RAD54B: variants seen among roughly 807,000 people sequenced by gnomAD.
The protein encoded by RAD54B is RAD54 homolog B.
Under a neutral mutation model 95.8 loss-of-function variants are expected in RAD54B, and 78 were observed. The ratio of observed to expected loss-of-function variants is 0.81; its 90% confidence interval spans 0.68 to 0.98. The LOEUF (loss-of-function observed/expected upper bound fraction) is 0.98. RAD54B is among the 50% of genes least tolerant of loss of function. The pLI, the probability that RAD54B is intolerant of heterozygous loss-of-function variation, is 0.00. For synonymous variants in RAD54B, 328 were observed against 354.9 expected (o/e 0.92, Z 0.85); for missense variants, 957 against 1,056.6 (o/e 0.91, Z 1.31).
At chr8:94,472,181 GTTT>G (rs1316862505) in intron 1 of RAD54B, among the ~76,000 whole-genome samples, 1 of 152,106 alleles carries the variant, frequency 6.6e-6, no homozygotes, top group Non-Finnish European at 1.5e-5. Context: ...GAAACAGATG[GTTT>G]TTGACTGCTT....
intron 3 of RAD54B, among the ~76,000 whole-genome samples, chr8:94,451,330 G>A (rs1022586921): frequency 1.3e-5 from 2 of 152,096 alleles, no homozygotes; most frequent in African/African-American, 2.4e-5. Context: ...AATGATAACA[G>A]ATTATAACCC....
At chr8:94,442,420 A>C (rs905066251) in intron 3 of RAD54B, among the ~76,000 whole-genome samples, 1 of 152,124 alleles carries the variant, frequency 6.6e-6, no homozygotes, top group African/African-American at 2.4e-5. Flanking sequence ...CTAAAAATAC[A>C]AAACATTAGC....
intron 9 of RAD54B, among the ~76,000 whole-genome samples, 179 bp from the exon 10 acceptor site, chr8:94,392,078 T>C (rs1811036281): frequency 6.6e-6 from 1 of 152,222 alleles, no homozygotes; most frequent in Non-Finnish European, 1.5e-5. Context: ...ATGTTTAGCA[T>C]AACCATTTAA....
At chr8:94,412,278 A>G (rs1315343801) in intron 3 of RAD54B, among the ~76,000 whole-genome samples, 1 of 152,074 alleles carries the variant, frequency 6.6e-6, no homozygotes, top group Non-Finnish European at 1.5e-5. Flanking sequence ...TCATCCATTG[A>G]TGGACACTTA....
At chr8:94,473,182 G>A (rs1813209616) in intron 1 of RAD54B, among the ~76,000 whole-genome samples, 1 of 152,150 alleles carries the variant, frequency 6.6e-6, no homozygotes, top group African/African-American at 2.4e-5. Flanking sequence ...TGCTGTCTGA[G>A]CCCTTTCCCC....
intron 2 of RAD54B, among the ~76,000 whole-genome samples, chr8:94,463,185 T>C (rs1445331566): frequency 3.3e-4 from 21 of 64,242 alleles, no homozygotes; most frequent in African/African-American, 7.6e-4. Flanking sequence ...CAAAAACAAA[T>C]AAATAAATAA....
intron 3 of RAD54B, chr8:94,431,388 T>C (rs1812089480): frequency 1.0e-6 from 1 of 984,752 alleles, no homozygotes; most frequent in Admixed American, 6.1e-5. Context: ...TTGATGTAAT[T>C]ATCCTGATTT....
At chr8:94,401,498 A>G (rs530224872) in intron 6 of RAD54B, among the ~76,000 whole-genome samples, 1 of 152,256 alleles carries the variant, frequency 6.6e-6, no homozygotes, top group Non-Finnish European at 1.5e-5. Context: ...TATATAATAC[A>G]TATATGAAAT....
intron 14 of RAD54B, among the ~76,000 whole-genome samples, chr8:94,374,099 G>A (rs1333747696): frequency 6.6e-6 from 1 of 152,124 alleles, no homozygotes; most frequent in Non-Finnish European, 1.5e-5. Context: ...CTAACACAGT[G>A]TAACCCCGTC....
intron 3 of RAD54B, among the ~76,000 whole-genome samples, chr8:94,452,496 TA>T (rs1812683381): frequency 6.6e-6 from 1 of 151,382 alleles, no homozygotes. Context: ...ATACTATCCT[TA>T]ATTTTTTCTT....
At chr8:94,455,013 T>G (rs1372048) in intron 3 of RAD54B, among the ~76,000 whole-genome samples, 37,153 of 152,014 alleles carry the variant, frequency 0.24, 5,659 homozygotes, top group East Asian at 0.43. Flanking sequence ...CATACTACCT[T>G]AAAACAAAAA....
intron 3 of RAD54B, 79 bp from the exon 4 acceptor site, chr8:94,411,394 A>G: frequency 9.2e-7 from 1 of 1,085,830 alleles, no homozygotes; most frequent in Non-Finnish European, 1.3e-6. Flanking sequence ...CAAAACCAAA[A>G]GGCACAAGAA....
intron 3 of RAD54B, among the ~76,000 whole-genome samples, chr8:94,456,109 A>G (rs1812773605): frequency 6.6e-6 from 1 of 152,210 alleles, no homozygotes; most frequent in South Asian, 2.1e-4. Flanking sequence ...CAAAAAAGAT[A>G]GAAGTGGGTC....
At chr8:94,404,375 T>C (rs1449415448) in intron 5 of RAD54B, 136 bp from the exon 6 acceptor site, 5 of 730,888 alleles carry the variant, frequency 6.8e-6, no homozygotes, top group Non-Finnish European at 8.2e-6. Flanking sequence ...GTCACAGTAA[T>C]GTTACCCAAG....
intron 11 of RAD54B, among the ~76,000 whole-genome samples, chr8:94,385,202 A>G (rs1459596663): frequency 1.3e-5 from 2 of 152,130 alleles, no homozygotes; most frequent in African/African-American, 4.8e-5. Flanking sequence ...CCTTCTTGCC[A>G]CAAGAGGGAA....
At chr8:94,420,984 CAAAA>C (rs776651582) in intron 3 of RAD54B, among the ~76,000 whole-genome samples, 2 of 90,442 alleles carry the variant, frequency 2.2e-5, no homozygotes, top group African/African-American at 3.9e-5. Flanking sequence ...GACTCAGTCT[CAAAA>C]AAAAAAAAAA....
At chr8:94,436,351 CTT>C (rs747748529) in intron 3 of RAD54B, 225 of 1,147,128 alleles carry the variant, frequency 2.0e-4, no homozygotes, top group Non-Finnish European at 2.4e-4. Flanking sequence ...TCACTTTTCT[CTT>C]TTTAAAAAAT....
chr8:94,472,042 A>C (rs1380846284), intron 1 of RAD54B, among the ~76,000 whole-genome samples: 1 of 152,166 alleles, frequency 6.6e-6, no homozygotes, highest in Admixed American at 6.5e-5. Flanking sequence ...TGAAACATGT[A>C]AATATTTTAT....
intron 2 of RAD54B, among the ~76,000 whole-genome samples, chr8:94,462,195 G>T (rs1586040746): frequency 2.6e-5 from 4 of 152,150 alleles, no homozygotes; most frequent in Non-Finnish European, 2.9e-5. Context: ...CATAATATCG[G>T]TTTGTTCCAT....
Sources: gnomAD v4.1 joint callset for allele counts (sites outside exome capture counted in the v4.1 genomes callset) on GRCh38, gnomAD v4.1.1 for gene constraint, MANE v1.5 for transcripts, NCBI Gene and HGNC (gene_info 2026-07-23, HGNC 2026-07-21) for gene names.